The following RGS6 variants were observed in gnomAD, a reference collection of about 807,000 sequenced individuals.
RGS6 encodes the protein regulator of G-protein signaling 6.
RGS6 carries 30 observed loss-of-function variants against 78.5 expected under a neutral mutation model. The observed-to-expected ratio is 0.38, with a 90% CI of 0.29 to 0.52. The LOEUF (loss-of-function observed/expected upper bound fraction) is 0.52. Ranked by LOEUF, RGS6 falls within the 20% of genes least tolerant of loss-of-function variation. The pLI is 0.85. For missense variants in RGS6, 495 were observed against 609.7 expected (o/e 0.81, Z 1.98); for synonymous variants, 206 against 206.0 (o/e 1.00, Z 0.00).
At chr14:71,868,501 G>A in the RGS6 span, among the ~76,000 whole-genome samples, 15,885 of 152,158 alleles carry the variant, frequency 0.1, 1,682 homozygotes, top group African/African-American at 0.25. Context: ...TTTTCAAAAA[G>A]TTGTCCAGTT....
At chr14:72,398,615 G>C (rs1329781225) in intron 3 of RGS6, among the ~76,000 whole-genome samples, 1 of 151,974 alleles carries the variant, frequency 6.6e-6, no homozygotes, top group Non-Finnish European at 1.5e-5. Context: ...GTTTGCTCTT[G>C]CTTCTCTAGT....
intron 2 of RGS6, among the ~76,000 whole-genome samples, chr14:72,233,879 C>T (rs559145341): frequency 3.9e-5 from 6 of 152,096 alleles, no homozygotes; most frequent in Non-Finnish European, 8.8e-5. Flanking sequence ...GGCTTCAAGA[C>T]CTTGGCTGTT....
At chr14:72,169,938 T>G (rs1185482036) in intron 2 of RGS6, among the ~76,000 whole-genome samples, 3 of 152,170 alleles carry the variant, frequency 2.0e-5, no homozygotes, top group Non-Finnish European at 2.9e-5. Flanking sequence ...CATTAACATT[T>G]GAGAAATATT....
intron 17 of RGS6, among the ~76,000 whole-genome samples, chr14:72,557,479 A>G (rs982432252): frequency 3.9e-5 from 6 of 152,180 alleles, no homozygotes; most frequent in African/African-American, 1.2e-4. Context: ...GGCTTCTCCC[A>G]TCCTGCTGAA....
intron 2 of RGS6, among the ~76,000 whole-genome samples, chr14:72,161,758 A>G (rs2096856608): frequency 6.6e-6 from 1 of 152,258 alleles, no homozygotes. Context: ...TTCTGTTTAC[A>G]GCCAGGCTTG....
the RGS6 span, among the ~76,000 whole-genome samples, chr14:72,587,600 T>C: frequency 6.6e-6 from 1 of 152,166 alleles, no homozygotes; most frequent in Non-Finnish European, 1.5e-5. Context: ...AAGAGTCTCC[T>C]TGGAAAGGGT....
Position 72,293,873 on chromosome 14 carries a change from A to G in RGS6, c.85-58222A>G, listed in dbSNP as rs959576388. On this transcript the variant is annotated intron_variant, in intron 2 of 17. Transcript: ENST00000553525. ...CCAAAGTAGCCACAAATAATAGTAA[A>G]CAAATGGGCATGGCTCTGTTCTAGT... is the stretch of plus-strand genomic sequence containing the variant. Among the ~76,000 whole-genome samples the G allele has an allele frequency of 5.9e-5, 9 of 152,344 alleles. 1 individual carries two copies. The South Asian group carries it at 1.9e-3, about 32-fold the overall frequency.
intron 3 of RGS6, among the ~76,000 whole-genome samples, chr14:72,415,158 C>A (rs952325626): frequency 6.6e-6 from 1 of 152,272 alleles, no homozygotes; most frequent in Non-Finnish European, 1.5e-5. Context: ...CAGAGGCAGG[C>A]AGGCCTCCTT....
chr14:72,383,213 T>TATAC (rs1387301746), intron 3 of RGS6, among the ~76,000 whole-genome samples: 3,555 of 118,104 alleles, frequency 0.03, 153 homozygotes, highest in African/African-American at 0.041. Flanking sequence ...TATATATATA[T>TATAC]ACACACAAAC....
intron 2 of RGS6, among the ~76,000 whole-genome samples, chr14:72,024,459 T>A (rs909915518): frequency 3.9e-5 from 6 of 152,208 alleles, no homozygotes; most frequent in African/African-American, 1.4e-4. Flanking sequence ...TTCCTGCTTA[T>A]CCCCTGTCCT....
chr14:72,323,160 A>G (rs949279983), intron 2 of RGS6, among the ~76,000 whole-genome samples: 6 of 152,188 alleles, frequency 3.9e-5, no homozygotes, highest in African/African-American at 1.4e-4. Flanking sequence ...CATGGAAAAA[A>G]TAGTATAAAC....
At chr14:72,101,227 G>A (rs1217546802) in intron 2 of RGS6, among the ~76,000 whole-genome samples, 1 of 152,156 alleles carries the variant, frequency 6.6e-6, no homozygotes, top group Non-Finnish European at 1.5e-5. Flanking sequence ...CTAATTTGTG[G>A]CCAGGTCTGA....
At chr14:72,059,341 A>G (rs1352127430) in intron 2 of RGS6, among the ~76,000 whole-genome samples, 2 of 152,132 alleles carry the variant, frequency 1.3e-5, no homozygotes, top group Non-Finnish European at 2.9e-5. Context: ...TCCTAATGCA[A>G]TTTGGAAGGG....
chr14:72,576,202 A>G, the RGS6 span, among the ~76,000 whole-genome samples: 3 of 152,312 alleles, frequency 2.0e-5, no homozygotes, highest in South Asian at 6.2e-4. Context: ...CAGTTTTTCT[A>G]TATAGGATAT....
intron 2 of RGS6, among the ~76,000 whole-genome samples, chr14:72,025,196 A>G (rs1475400290): frequency 6.6e-6 from 1 of 152,098 alleles, no homozygotes; most frequent in Admixed American, 6.6e-5. Context: ...AGCAAAGTTC[A>G]GAGTTAAGCC....
intron 12 of RGS6, among the ~76,000 whole-genome samples, chr14:72,485,887 A>G (rs1248303527): frequency 1.3e-5 from 2 of 152,208 alleles, no homozygotes; most frequent in Non-Finnish European, 2.9e-5. Flanking sequence ...GTTAGGAAAC[A>G]TGACACCACC....
At chr14:72,233,278 G>C (rs1292069246) in intron 2 of RGS6, among the ~76,000 whole-genome samples, 2 of 152,186 alleles carry the variant, frequency 1.3e-5, no homozygotes, top group South Asian at 2.1e-4. Flanking sequence ...CACTTAGAAG[G>C]AGTGTGCAGG....
Position 72,414,082 on chromosome 14 carries a change from G to A in RGS6, c.185-40446G>A, listed in dbSNP as rs374490882. On this transcript the variant is annotated intron_variant, in intron 3 of 17. Coordinates refer to ENST00000553525, the MANE Select transcript of RGS6 (RefSeq NM_001204424.2). ...TCTTCTCAAGGAGTATCTTTGTGGCGTTCTCTGTATTTCCTGAATTTGAAT... is the reference window on the plus strand; with the variant it reads ...TCTTCTCAAGGAGTATCTTTGTGGCATTCTCTGTATTTCCTGAATTTGAAT... 6.8e-4 allele frequency among the ~76,000 whole-genome samples: 104 copies of A among 152,092 alleles called. 1 individual carries two copies. In the East Asian group the frequency reaches 0.013, roughly 19 times the overall value.
intron 2 of RGS6, among the ~76,000 whole-genome samples, chr14:72,162,622 T>C (rs2096868224): frequency 6.6e-6 from 1 of 152,192 alleles, no homozygotes. Flanking sequence ...CCACACTTTC[T>C]AAAACCTTTG....
Sources: allele counts gnomAD v4.1 joint callset (sites outside exome capture counted in the v4.1 genomes callset), GRCh38; gene constraint gnomAD v4.1.1; transcripts MANE v1.5; gene names NCBI Gene and HGNC (gene_info 2026-07-23, HGNC 2026-07-21).